Variants in NTS observed in about 807,000 individuals in gnomAD.
The protein encoded by NTS is neurotensin/neuromedin N.
A neutral mutation model predicts 19.5 loss-of-function variants in NTS; 20 were observed. The observed-to-expected ratio is 1.02, with a 90% CI of 0.72 to 1.49. The LOEUF is 1.49. NTS is among the 40% of genes most tolerant of loss of function. The pLI, the probability that NTS is intolerant of heterozygous loss-of-function variation, is 0.00. For missense variants in NTS, 215 were observed against 193.1 expected (o/e 1.11, Z -0.67); for synonymous variants, 71 against 63.3 (o/e 1.12, Z -0.58).
At chr12:85,874,794 C>T (rs1881301819) in intron 1 of NTS, among the ~76,000 whole-genome samples, 1 of 152,138 alleles carries the variant, frequency 6.6e-6, no homozygotes, top group Admixed American at 6.5e-5. Flanking sequence ...ATGAGAAATA[C>T]AGAGGCAGTG....
At chr12:85,875,130 T>C (rs1276980805) in intron 1 of NTS, among the ~76,000 whole-genome samples, 2 of 152,156 alleles carry the variant, frequency 1.3e-5, no homozygotes, top group East Asian at 1.9e-4. Flanking sequence ...CAAAATACAA[T>C]TGGAAAATTG....
chr12:85,876,697 C>T lies in NTS; in HGVS notation c.131C>T (p.Ser44Leu). 1.3e-6 allele frequency: 2 copies of T among 1,552,236 alleles called. No homozygotes were observed. The highest frequency in any genetic ancestry group is 1.8e-5 in the Admixed American group (1 of 56,178). The change falls in exon 2 of 4, where the codon TCA (serine) becomes TTA (leucine). Residue 44 changes from serine (S) to leucine (L), a missense_variant. Transcript: ENST00000256010. The part of the protein sequence containing the change: ...EADFLTNMHT[S>L]KISKAHVPSW... Reference sequence around the variant, plus strand: ...GATTTCTTGACCAATATGCATACATCAAAGGTAACTTTTTCTTTTCTTTAA... The same window carrying T: ...GATTTCTTGACCAATATGCATACATTAAAGGTAACTTTTTCTTTTCTTTAA...
rs781008394 is a variant in NTS, at chr12:85,878,500, C to G, written c.291C>G (p.Ser97Arg). 1 of 1,613,830 alleles carries G rather than the reference C, an allele frequency of 6.2e-7. No individual in the cohort carries two copies. Among genetic ancestry groups the G allele is most frequent in the South Asian group, 1.1e-5 (1 of 91,062 alleles). The change falls in exon 3 of 4, where the codon AGC (serine) becomes AGG (arginine). Residue 97 changes from serine to arginine, a missense_variant. Coordinates refer to ENST00000256010, the MANE Select transcript of NTS (RefSeq NM_006183.5). Reference sequence around the variant, plus strand: ...TTCCTACTGCTTTAGATGGCTTTAGCTTGGAAGCAATGTTGACAATATACC... The same window carrying G: ...TTCCTACTGCTTTAGATGGCTTTAGGTTGGAAGCAATGTTGACAATATACC... ...RKLPTALDGF[S>R]LEAMLTIYQL...
intron 3 of NTS, among the ~76,000 whole-genome samples, chr12:85,880,884 G>C (rs1335390101): frequency 1.3e-5 from 2 of 152,098 alleles, no homozygotes; most frequent in Non-Finnish European, 2.9e-5. Flanking sequence ...CCCGAGAGGT[G>C]GAGCTTGCAG....
chr12:85,880,937 G>A (rs1881488351), intron 3 of NTS, among the ~76,000 whole-genome samples: 1 of 152,136 alleles, frequency 6.6e-6, no homozygotes, highest in Non-Finnish European at 1.5e-5. Context: ...GGGCGACAGA[G>A]CGAGACTCCA....
chr12:85,879,282 C>A (rs11117068), intron 3 of NTS, among the ~76,000 whole-genome samples: 2 of 4 alleles, frequency 0.5, 1 homozygote, highest in South Asian at 1. Context: ...TATGTATATA[C>A]CATATATTTT....
intron 1 of NTS, 29 bp downstream of exon 1, chr12:85,874,505 T>G (rs1881287113): frequency 6.7e-7 from 1 of 1,494,124 alleles, no homozygotes; most frequent in Admixed American, 1.7e-5. Flanking sequence ...CACAACTCCC[T>G]GAAGTGATTT....
intron 3 of NTS, among the ~76,000 whole-genome samples, chr12:85,880,736 A>C (rs1292496672): frequency 1.3e-5 from 2 of 152,178 alleles, no homozygotes; most frequent in African/African-American, 4.8e-5. Flanking sequence ...GCGGATCACG[A>C]GGTCAAGAGA....
intron 3 of NTS, among the ~76,000 whole-genome samples, chr12:85,879,151 TA>T (rs1195788699): frequency 1.5e-5 from 2 of 132,678 alleles, no homozygotes; most frequent in Admixed American, 1.7e-4. Flanking sequence ...ACGTAAAATA[TA>T]TTTTTATGTA....
intron 3 of NTS, among the ~76,000 whole-genome samples, chr12:85,880,543 A>C (rs897397848): frequency 2.0e-5 from 3 of 152,202 alleles, no homozygotes; most frequent in Non-Finnish European, 4.4e-5. Flanking sequence ...CAGAATTTCT[A>C]GTGTTTATTA....
At chr12:85,877,869 A>G (rs556425421) in intron 2 of NTS, among the ~76,000 whole-genome samples, 5 of 152,292 alleles carry the variant, frequency 3.3e-5, no homozygotes, top group African/African-American at 1.2e-4. Context: ...TGAAGGTTCT[A>G]TATAATCTGT....
chr12:85,878,296 C>G, intron 2 of NTS, 49 bp from the exon 3 acceptor site: 1 of 1,341,452 alleles, frequency 7.5e-7, no homozygotes. Context: ...TCATTTCTTG[C>G]TCATGTAACA....
At position 85,882,353 on chromosome 12, in the gene NTS, A is replaced by C. The variant is rs758359152; in HGVS notation, c.491A>C (p.Lys164Thr). The change falls in exon 4 of 4, where the codon AAA (lysine) becomes ACA (threonine). Residue 164 changes from lysine to threonine, a missense_variant. By Grantham distance (78) the Lys-to-Thr change is moderately conservative (BLOSUM62 -1). Coordinates refer to ENST00000256010, the MANE Select transcript of NTS (RefSeq NM_006183.5). ...AAACCCAGAAGACCCTACATACTCA[A>C]AAGAGATTCTTACTATTACTGAGAG... Reference protein sequence around the residue: ...ENKPRRPYILKRDSYYY With the variant: ...ENKPRRPYILTRDSYYY 6.3e-7 allele frequency: 1 copy of C among 1,582,674 alleles called. No homozygotes were observed. Among genetic ancestry groups the C allele is most frequent in the Non-Finnish European group, 8.5e-7 (1 of 1,170,618 alleles).
chr12:85,882,501 T>C lies in NTS; in HGVS notation c.*126T>C, dbSNP rs1881524716. The C allele has an allele frequency of 1.3e-6, 1 of 772,984 alleles. No homozygotes were observed. Among genetic ancestry groups the C allele is most frequent in the Non-Finnish European group, 2.0e-6 (1 of 489,144 alleles). The allele number at this position is 772,984 out of a possible 1,614,324, so 47.9% of individuals were successfully genotyped here. ...TCTTCTACAATTGTGGTTTATTGAATGTGATTTTTCTGCACTAATATAAAT... is the reference window on the plus strand; with the variant it reads ...TCTTCTACAATTGTGGTTTATTGAACGTGATTTTTCTGCACTAATATAAAT... On this transcript the variant is annotated 3_prime_UTR_variant, in exon 4 of 4. Transcript: ENST00000256010.
chr12:85,878,470 G>A lies in NTS; in HGVS notation c.261G>A (p.Arg87=), dbSNP rs1031404251. Residue 87 remains arginine, a synonymous_variant, in exon 3 of 4, where the codon AGG becomes AGA. Coordinates refer to ENST00000256010, the MANE Select transcript of NTS (RefSeq NM_006183.5). ...EVHEEELVAR[R]KLPTALDGFS... ...ATGAAGAGGAGCTTGTTGCAAGAAGGAAACTTCCTACTGCTTTAGATGGCT... is the reference window on the plus strand; with the variant it reads ...ATGAAGAGGAGCTTGTTGCAAGAAGAAAACTTCCTACTGCTTTAGATGGCT... The A allele has an allele frequency of 9.3e-6, 15 of 1,613,888 alleles. No individual in the cohort carries two copies. The highest frequency in any genetic ancestry group is 1.3e-5 in the Non-Finnish European group (15 of 1,179,896).
intron 2 of NTS, among the ~76,000 whole-genome samples, chr12:85,877,173 T>C (rs1881364903): frequency 6.6e-6 from 1 of 152,130 alleles, no homozygotes; most frequent in Non-Finnish European, 1.5e-5. Flanking sequence ...AGCAGGAGCA[T>C]TGAGATCTAA....
intron 1 of NTS, among the ~76,000 whole-genome samples, chr12:85,876,315 C>A (rs571022161): frequency 6.6e-6 from 1 of 151,832 alleles, no homozygotes; most frequent in Non-Finnish European, 1.5e-5. Flanking sequence ...AAATAAGCTA[C>A]TCTAGCATAT....
intron 1 of NTS, among the ~76,000 whole-genome samples, chr12:85,875,819 G>A (rs1053578958): frequency 2.0e-5 from 3 of 151,922 alleles, no homozygotes; most frequent in Non-Finnish European, 4.4e-5. Flanking sequence ...GTAAAATTAA[G>A]CCAATGGGTT....
At chr12:85,876,791 C>A in intron 2 of NTS, 90 bp downstream of exon 2, 2 of 660,698 alleles carry the variant, frequency 3.0e-6, no homozygotes, top group Non-Finnish European at 4.8e-6. Context: ...AATAACTTCT[C>A]ATCAAGATTG....
Sources: gnomAD v4.1 joint callset for allele counts (sites outside exome capture counted in the v4.1 genomes callset) on GRCh38, gnomAD v4.1.1 for gene constraint, MANE v1.5 for transcripts, NCBI Gene and HGNC (gene_info 2026-07-23, HGNC 2026-07-21) for gene names.